The following GSK3B variants were observed in gnomAD, a reference collection of about 807,000 sequenced individuals.
GSK3B encodes glycogen synthase kinase-3 beta.
GSK3B carries 15 observed loss-of-function variants against 56.4 expected under a neutral mutation model. The observed-to-expected ratio is 0.27, with a 90% CI of 0.18 to 0.41. GSK3B has a LOEUF of 0.41. Ranked by LOEUF, GSK3B falls within the 10% of genes least tolerant of loss-of-function variation. The pLI is 1.00. For missense variants in GSK3B, 300 were observed against 513.4 expected (o/e 0.58, Z 4.02); for synonymous variants, 181 against 188.9 (o/e 0.96, Z 0.34).
chr3:120,004,829 A>G (rs2057711577), intron 1 of GSK3B, among the ~76,000 whole-genome samples: 1 of 152,222 alleles, frequency 6.6e-6, no homozygotes, highest in African/African-American at 2.4e-5. Flanking sequence ...AAACCACAGC[A>G]GAAAGGTTGA....
intron 1 of GSK3B, among the ~76,000 whole-genome samples, chr3:120,068,083 G>A (rs1404356847): frequency 2.6e-5 from 4 of 152,112 alleles, no homozygotes; most frequent in Admixed American, 1.3e-4. Flanking sequence ...ATCATATGAT[G>A]TCTGAAATTT....
intron 1 of GSK3B, among the ~76,000 whole-genome samples, chr3:120,066,130 A>T (rs1161350456): frequency 6.6e-6 from 1 of 152,154 alleles, no homozygotes; most frequent in Non-Finnish European, 1.5e-5. Context: ...ACAATTTTTT[A>T]AAAAATCACA....
intron 1 of GSK3B, among the ~76,000 whole-genome samples, chr3:120,090,110 C>T (rs1159512491): frequency 1.3e-5 from 2 of 151,752 alleles, no homozygotes; most frequent in Non-Finnish European, 2.9e-5. Context: ...AGATTAATGG[C>T]TACATATCTA....
intron 2 of GSK3B, among the ~76,000 whole-genome samples, chr3:119,999,641 A>G (rs2057656452): frequency 6.6e-6 from 1 of 152,244 alleles, no homozygotes; most frequent in Admixed American, 6.5e-5. Flanking sequence ...GGTTATGGAC[A>G]ATATGGGCTC....
intron 1 of GSK3B, among the ~76,000 whole-genome samples, chr3:120,065,294 C>G (rs551721660): frequency 9.7e-4 from 148 of 152,184 alleles, no homozygotes; most frequent in Non-Finnish European, 1.6e-3. Flanking sequence ...TTTTAAAAGA[C>G]AAAGAACTTA....
intron 1 of GSK3B, among the ~76,000 whole-genome samples, chr3:120,079,062 CT>C (rs1169517855): frequency 6.7e-6 from 1 of 150,316 alleles, no homozygotes; most frequent in Non-Finnish European, 1.5e-5. Context: ...CTGCCTCAGC[CT>C]CCCGTGTAGC....
At chr3:119,937,204 A>G (rs776597187) in intron 3 of GSK3B, among the ~76,000 whole-genome samples, 4 of 152,102 alleles carry the variant, frequency 2.6e-5, no homozygotes, top group Non-Finnish European at 5.9e-5. Context: ...CCTAAACCTC[A>G]TGGTAAAACT....
chr3:119,922,420 A>ATATATTATATATACAATATATAGTG (rs1214854034), intron 4 of GSK3B, among the ~76,000 whole-genome samples: 8 of 147,982 alleles, frequency 5.4e-5, no homozygotes, highest in African/African-American at 1.7e-4. Context: ...TATATAGTTT[A>ATATATTATATATACAATATATAGTG]TATATTATAT....
intron 10 of GSK3B, among the ~76,000 whole-genome samples, chr3:119,831,960 C>A (rs2055608705): frequency 1.3e-5 from 2 of 152,210 alleles, no homozygotes; most frequent in African/African-American, 2.4e-5. Context: ...TCCCTACACA[C>A]TGTGGTAGCT....
At chr3:120,046,614 T>C (rs1302066742) in intron 1 of GSK3B, among the ~76,000 whole-genome samples, 1 of 152,182 alleles carries the variant, frequency 6.6e-6, no homozygotes, top group Non-Finnish European at 1.5e-5. Flanking sequence ...ATTTTATTTA[T>C]TTATTTATTT....
chr3:119,863,185 T>C (rs2056131018), intron 9 of GSK3B, among the ~76,000 whole-genome samples: 1 of 152,238 alleles, frequency 6.6e-6, no homozygotes, highest in African/African-American at 2.4e-5. Context: ...GCCAACATTA[T>C]ATTCTGCTAA....
chr3:120,007,488 C>T (rs1475113796), intron 1 of GSK3B, among the ~76,000 whole-genome samples: 1 of 152,158 alleles, frequency 6.6e-6, no homozygotes, highest in Non-Finnish European at 1.5e-5. Context: ...AGACCAATAT[C>T]CCTGATGAAC....
At chr3:120,088,722 A>G (rs550141127) in intron 1 of GSK3B, among the ~76,000 whole-genome samples, 1 of 152,374 alleles carries the variant, frequency 6.6e-6, no homozygotes, top group East Asian at 1.9e-4. Flanking sequence ...TAGAAGAACA[A>G]TATCCGGGGA....
chr3:120,057,521 T>G (rs1170185290), intron 1 of GSK3B, among the ~76,000 whole-genome samples: 1 of 152,326 alleles, frequency 6.6e-6, no homozygotes, highest in African/African-American at 2.4e-5. Context: ...AAGAGGATAC[T>G]GAATATATTA....
intron 4 of GSK3B, among the ~76,000 whole-genome samples, chr3:119,918,282 G>C (rs1310267948): frequency 6.6e-6 from 1 of 151,688 alleles, no homozygotes; most frequent in Non-Finnish European, 1.5e-5. Context: ...ACCACCCTGG[G>C]GGCAACATGG....
At chr3:119,987,288 G>A (rs1164221414) in intron 2 of GSK3B, among the ~76,000 whole-genome samples, 1 of 152,110 alleles carries the variant, frequency 6.6e-6, no homozygotes, top group African/African-American at 2.4e-5. Flanking sequence ...TATCAAACCT[G>A]TACGTTGTGC....
At chr3:120,001,807 A>G (rs1436874152) in intron 2 of GSK3B, among the ~76,000 whole-genome samples, 1 of 152,218 alleles carries the variant, frequency 6.6e-6, no homozygotes, top group African/African-American at 2.4e-5. Context: ...TCACAGGATT[A>G]AAAAATACAT....
chr3:119,823,793 T>A lies in GSK3B; in HGVS notation c.*2995A>T, dbSNP rs1006900667. 1 of 199,088 alleles carries A rather than the reference T, an allele frequency of 5.0e-6. No homozygotes were observed. Among genetic ancestry groups the A allele is most frequent in the Non-Finnish European group, 1.0e-5 (1 of 96,252 alleles). 12.3% of individuals were successfully genotyped at this position (199,088 alleles called of 1,614,324 possible). ...CCTCTTCCCACTCCTGAGTATGGTA[T>A]CACTGAAACTTAACTGTGGAAGGGG... On this transcript the variant is annotated 3_prime_UTR_variant, in exon 11 of 11. Coordinates refer to ENST00000264235, the MANE Select transcript of GSK3B (RefSeq NM_001146156.2).
At chr3:120,017,219 G>GTAAATAATT (rs973072477) in intron 1 of GSK3B, among the ~76,000 whole-genome samples, 12 of 152,298 alleles carry the variant, frequency 7.9e-5, no homozygotes, top group Admixed American at 4.6e-4. Context: ...AACTAAAGAA[G>GTAAATAATT]TAAATAATTA....
Sources: gnomAD v4.1 joint callset for allele counts (sites outside exome capture counted in the v4.1 genomes callset) on GRCh38, gnomAD v4.1.1 for gene constraint, MANE v1.5 for transcripts, NCBI Gene and HGNC (gene_info 2026-07-23, HGNC 2026-07-21) for gene names.